The following CENPK variants were observed in gnomAD, a reference collection of about 807,000 sequenced individuals.
CENPK encodes centromere protein K.
A neutral mutation model predicts 40.9 loss-of-function variants in CENPK; 46 were observed. That is an observed-to-expected ratio of 1.13 (90% CI 0.89 to 1.44). The LOEUF is 1.44. Ranked by LOEUF, CENPK falls within the 40% of genes most tolerant of loss-of-function variation. CENPK has a pLI of 0.00. For missense variants in CENPK, 288 were observed against 303.5 expected, an observed-to-expected ratio of 0.95 and a Z score of 0.38; for synonymous variants, 107 against 104.4, an observed-to-expected ratio of 1.02 and a Z score of -0.15.
intron 5 of CENPK, among the ~76,000 whole-genome samples, chr5:65,548,760 C>A (rs1225574889): frequency 1.3e-5 from 2 of 152,152 alleles, no homozygotes; most frequent in African/African-American, 4.8e-5. Flanking sequence ...CTCATCTGTT[C>A]AAGTTTTATC....
chr5:65,551,651 A>G lies in CENPK; in HGVS notation c.169-15T>C, dbSNP rs1263290201. ...AACAATGATAGCTACAAAAGAAGAA[A>G]ACAAAGTCATTTTCTGTGGACTATT... is the stretch of plus-strand genomic sequence containing the variant. On this transcript the variant is annotated splice_polypyrimidine_tract_variant and intron_variant, in intron 4 of 10. Transcript: ENST00000396679. 1 of 1,450,706 alleles carries G rather than the reference A, an allele frequency of 6.9e-7. No homozygotes were observed. Among genetic ancestry groups the G allele is most frequent in the Admixed American group, 1.9e-5 (1 of 51,562 alleles). 89.9% of individuals were successfully genotyped at this position (1,450,706 alleles called of 1,614,324 possible).
chr5:65,538,605 G>GT, intron 6 of CENPK, among the ~76,000 whole-genome samples: 1 of 151,656 alleles, frequency 6.6e-6, no homozygotes. Flanking sequence ...TTCATTCCTC[G>GT]TAAGTTTTAT....
intron 9 of CENPK, among the ~76,000 whole-genome samples, chr5:65,527,036 G>C (rs1276526968): frequency 6.6e-6 from 1 of 152,106 alleles, no homozygotes; most frequent in Non-Finnish European, 1.5e-5. Context: ...GGCAGAGGTT[G>C]CAGTGAGCGG....
At chr5:65,557,875 G>A (rs1223609688) in intron 2 of CENPK, among the ~76,000 whole-genome samples, 1 of 152,326 alleles carries the variant, frequency 6.6e-6, no homozygotes, top group Non-Finnish European at 1.5e-5. Flanking sequence ...ATAAAAATCT[G>A]ATTGGAGTGG....
At chr5:65,521,719 G>A (rs1743793779) in intron 9 of CENPK, among the ~76,000 whole-genome samples, 191 bp from the exon 10 acceptor site, 1 of 152,086 alleles carries the variant, frequency 6.6e-6, no homozygotes, top group Admixed American at 6.6e-5. Context: ...TCTTGCCTCA[G>A]CCTCCCGAGT....
rs113829223 is a variant in CENPK at position 65,537,414 on chromosome 5, C to T, written c.288+5388G>A. ...CCTCCTCCCGGGTTCACGCCATTCT[C>T]CTGCCTCAGCCTCCCAAGTAGGTGG... On this transcript the variant is annotated intron_variant, in intron 6 of 10. Coordinates refer to ENST00000396679, the MANE Select transcript of CENPK (RefSeq NM_022145.5). 1.1e-3 allele frequency among the ~76,000 whole-genome samples: 172 copies of T among 152,300 alleles called. 1 individual carries two copies. The highest frequency in any genetic ancestry group is 4.0e-3 in the African/African-American group (168 of 41,550).
chr5:65,514,961 GT>G (rs1742761220), downstream of CENPK, among the ~76,000 whole-genome samples: 1 of 151,242 alleles, frequency 6.6e-6, no homozygotes, highest in African/African-American at 2.4e-5. Context: ...TTTTGTTATG[GT>G]AAAAGTTTTA....
Position 65,556,987 on chromosome 5 carries a change from G to A in CENPK, c.-39-2041C>T, listed in dbSNP as rs555812729. Reference sequence around the variant, plus strand: ...AATGCATTTCTCAACACATATCCCCGTTGTTAAGTGACACATGACTGTACT... The same window carrying A: ...AATGCATTTCTCAACACATATCCCCATTGTTAAGTGACACATGACTGTACT... On this transcript the variant is annotated intron_variant, in intron 2 of 10. Coordinates refer to ENST00000396679, the MANE Select transcript of CENPK (RefSeq NM_022145.5). Among the ~76,000 whole-genome samples, 88 of 152,258 alleles carry A rather than the reference G, an allele frequency of 5.8e-4. 1 individual carries two copies. The South Asian group carries it at 0.018, about 30-fold the overall frequency.
the CENPK span, among the ~76,000 whole-genome samples, chr5:65,498,930 G>A: frequency 6.6e-6 from 1 of 151,710 alleles, no homozygotes; most frequent in Non-Finnish European, 1.5e-5. Context: ...CAACATACCC[G>A]GTCTTGTATT....
the CENPK span, among the ~76,000 whole-genome samples, chr5:65,499,667 A>AT: frequency 1.8e-5 from 2 of 109,690 alleles, no homozygotes; most frequent in African/African-American, 7.1e-5. Flanking sequence ...TTTTTTTTTA[A>AT]TTTTTTTTTT....
At chr5:65,531,969 C>T (rs1054807292) in intron 6 of CENPK, among the ~76,000 whole-genome samples, 5 of 151,842 alleles carry the variant, frequency 3.3e-5, no homozygotes, top group African/African-American at 1.2e-4. Context: ...AAGGGAAAAG[C>T]AATGAAAATT....
At chr5:65,506,742 G>A in the CENPK span, among the ~76,000 whole-genome samples, 1,565 of 151,660 alleles carry the variant, frequency 0.01, 29 homozygotes, top group African/African-American at 0.036. Flanking sequence ...CTGAGATCAC[G>A]CCACTGCACT....
At chr5:65,551,263 A>AAAG (rs1260364893) in intron 5 of CENPK, 1 of 337,996 alleles carries the variant, frequency 3.0e-6, no homozygotes, top group African/African-American at 2.2e-5. Context: ...AAAAAAAAAA[A>AAAG]AAAAAAAAAG....
rs71626583 is a variant in CENPK at position 65,552,039 on chromosome 5, G to T, written c.169-403C>A. Among the ~76,000 whole-genome samples the T allele has an allele frequency of 1.9e-3, 288 of 148,770 alleles. 9 individuals carry two copies. In the East Asian group the frequency reaches 0.052, roughly 27 times the overall value. The stretch of plus-strand genomic sequence containing the variant: ...TAATGGCACAATCTCAGCTCACTGC[G>T]GCCTCCATCTACTGGGTTCAAGTGA... On this transcript the variant is annotated intron_variant, in intron 4 of 10. Transcript: ENST00000396679.
In CENPK at chr5:65,560,911, A is replaced by G. The variant is rs1751849867; in HGVS notation, c.-40+552T>C. 2 of 151,760 alleles carry G rather than the reference A, an allele frequency of 1.3e-5. 1 individual carries two copies. The highest frequency in any genetic ancestry group is 4.8e-5 in the African/African-American group (2 of 41,416). 9.4% of individuals were successfully genotyped at this position (151,760 alleles called of 1,614,324 possible). On this transcript the variant is annotated intron_variant, in intron 2 of 10. Coordinates refer to ENST00000396679, the MANE Select transcript of CENPK (RefSeq NM_022145.5). ...ATGTTTACTGGCACATTACTTAGAG[A>G]AAAAAAAACTTTAAAGGTATGAACT...
chr5:65,514,115 T>C (rs761973004), downstream of CENPK, among the ~76,000 whole-genome samples: 1 of 152,080 alleles, frequency 6.6e-6, no homozygotes, highest in Non-Finnish European at 1.5e-5. Flanking sequence ...GATTTGCTAA[T>C]ATTCTGTTGA....
intron 3 of CENPK, among the ~76,000 whole-genome samples, chr5:65,554,289 C>T (rs1750621058): frequency 6.6e-6 from 1 of 151,968 alleles, no homozygotes; most frequent in African/African-American, 2.4e-5. Flanking sequence ...GTAGCTGAGA[C>T]TAAAGGTGCA....
At chr5:65,546,610 CTG>C (rs1749034607) in intron 5 of CENPK, among the ~76,000 whole-genome samples, 2 of 152,262 alleles carry the variant, frequency 1.3e-5, no homozygotes, top group South Asian at 4.1e-4. Flanking sequence ...TTGAATATGA[CTG>C]TATTTGGAAT....
At chr5:65,536,515 C>T (rs549350986) in intron 6 of CENPK, among the ~76,000 whole-genome samples, 25 of 152,166 alleles carry the variant, frequency 1.6e-4, no homozygotes, top group Non-Finnish European at 1.3e-4. Flanking sequence ...GTACTCCTAG[C>T]TACTTGGGAA....
Sources: gnomAD v4.1 joint callset for allele counts (sites outside exome capture counted in the v4.1 genomes callset) on GRCh38, gnomAD v4.1.1 for gene constraint, MANE v1.5 for transcripts, NCBI Gene and HGNC (gene_info 2026-07-23, HGNC 2026-07-21) for gene names.